The following IL19 variants were observed in gnomAD, a reference collection of about 807,000 sequenced individuals.
IL19 encodes the protein interleukin-19.
In IL19, 15 loss-of-function variants were observed where a neutral mutation model predicts 19.5. That is an observed-to-expected ratio of 0.77 (90% CI 0.52 to 1.19). The LOEUF is 1.19. IL19 is among the 50% of genes most tolerant of loss of function. The probability of loss-of-function intolerance (pLI) is 0.00; values close to 1 mark genes in which losing one functional copy is unlikely to be tolerated. For missense variants in IL19, 199 were observed against 213.1 expected, an observed-to-expected ratio of 0.93 and a Z score of 0.41; for synonymous variants, 78 against 78.3, an observed-to-expected ratio of 1.00 and a Z score of 0.02.
At chr1:206,828,778 C>A (rs1473525617) in intron 2 of IL19, 1 of 151,968 alleles carries the variant, frequency 6.6e-6, no homozygotes, top group Non-Finnish European at 1.5e-5. Context: ...GTTGTAATTT[C>A]TCTTTCTAAA....
intron 1 of IL19, chr1:206,772,442 T>C: frequency 6.2e-7 from 1 of 1,613,938 alleles, no homozygotes; most frequent in African/African-American, 1.3e-5. Context: ...GCATGCCTTC[T>C]TTTGCAAGTC....
chr1:206,842,840 T>C lies in IL19; in HGVS notation c.*218T>C, dbSNP rs1448993189. Reference sequence around the variant, plus strand: ...ATCTGCTGAAAGGGCCTGCAGGCCATCCTGGGAGTAAAGGGCTGCCTTCCC... The same window carrying C: ...ATCTGCTGAAAGGGCCTGCAGGCCACCCTGGGAGTAAAGGGCTGCCTTCCC... On this transcript the variant is annotated 3_prime_UTR_variant, in exon 7 of 7. Coordinates refer to ENST00000659997, the MANE Select transcript of IL19 (RefSeq NM_153758.5). 6.4e-6 allele frequency: 3 copies of C among 466,990 alleles called. No individual in the cohort carries two copies. Among genetic ancestry groups the C allele is most frequent in the Admixed American group, 7.3e-5 (2 of 27,252 alleles). 28.9% of individuals were successfully genotyped at this position (466,990 alleles called of 1,614,324 possible).
intron 2 of IL19, among the ~76,000 whole-genome samples, chr1:206,804,519 A>C (rs184503170): frequency 6.6e-6 from 1 of 152,334 alleles, no homozygotes; most frequent in Non-Finnish European, 1.5e-5. Context: ...AGGGTGTATA[A>C]AGTGTGCATT....
chr1:206,811,113 A>G (rs1327734088), intron 2 of IL19, among the ~76,000 whole-genome samples: 1 of 152,196 alleles, frequency 6.6e-6, no homozygotes, highest in Non-Finnish European at 1.5e-5. Context: ...AGACTAAGAT[A>G]AATACCATAA....
At chr1:206,780,379 G>A (rs1000809267) in intron 1 of IL19, among the ~76,000 whole-genome samples, 1 of 152,164 alleles carries the variant, frequency 6.6e-6, no homozygotes, top group Non-Finnish European at 1.5e-5. Context: ...CTGAGCATGT[G>A]CTTCCTAAAC....
intron 2 of IL19, among the ~76,000 whole-genome samples, chr1:206,802,170 C>T (rs1675729001): frequency 1.3e-5 from 2 of 152,184 alleles, no homozygotes; most frequent in East Asian, 3.9e-4. Context: ...AACAGAGGCC[C>T]AGGAAGGAAG....
chr1:206,834,442 G>T (rs1356149750), intron 2 of IL19: 1 of 985,506 alleles, frequency 1.0e-6, no homozygotes, highest in East Asian at 1.1e-4. Flanking sequence ...CCTATGCACC[G>T]CCATCCTAGC....
chr1:206,772,153 G>C (rs1674868539), intron 1 of IL19: 1 of 878,472 alleles, frequency 1.1e-6, no homozygotes, highest in Non-Finnish European at 1.9e-6. Flanking sequence ...TAAGTTTGGG[G>C]GAATAGGTGT....
rs998971154 is a variant in IL19, at chr1:206,771,222, T to G, written c.-149+144T>G. On this transcript the variant is annotated intron_variant, in intron 1 of 6. Coordinates refer to ENST00000659997, the MANE Select transcript of IL19 (RefSeq NM_153758.5). ...TTGTAAACCCTCTGGCTGCTGGATG[T>G]GCTGAGTTAACATCTTCCCACTTCT... 8.9e-5 allele frequency: 102 copies of G among 1,141,190 alleles called. No individual in the cohort carries two copies. In the African/African-American group the frequency reaches 1.3e-3, roughly 14 times the overall value. 70.7% of individuals were successfully genotyped at this position (1,141,190 alleles called of 1,614,324 possible). A position where few individuals can be genotyped will look rare whatever the true frequency, so the allele number is the denominator to read the frequency against.
intron 2 of IL19, among the ~76,000 whole-genome samples, chr1:206,829,754 T>A (rs529480867): frequency 6.6e-6 from 1 of 152,206 alleles, no homozygotes; most frequent in African/African-American, 2.4e-5. Flanking sequence ...TCCATTACTA[T>A]CCCTCCATCC....
chr1:206,814,393 G>C (rs1397149501), intron 2 of IL19, among the ~76,000 whole-genome samples: 1 of 150,762 alleles, frequency 6.6e-6, no homozygotes, highest in African/African-American at 2.4e-5. Flanking sequence ...ATAATGGAGG[G>C]AATCAGAATG....
At chr1:206,779,789 T>G (rs1238614360) in intron 1 of IL19, among the ~76,000 whole-genome samples, 1 of 152,054 alleles carries the variant, frequency 6.6e-6, no homozygotes, top group African/African-American at 2.4e-5. Context: ...TCTACTTCCC[T>G]CTGCACTCCA....
chr1:206,808,500 C>CGTGTGT (rs36044951), intron 2 of IL19, among the ~76,000 whole-genome samples: 4,110 of 148,640 alleles, frequency 0.028, 123 homozygotes, highest in African/African-American at 0.075. Context: ...TGTGTGTGTG[C>CGTGTGT]GTGTGTGTGT....
rs148916570 is a variant in IL19 at position 206,811,778 on chromosome 1, C to T, written c.-3+12772C>T. ...TGTTATGGTACAACTCCCTAAAAGT[C>T]CCAGCCAGCCCCCAGGGGCAGATTG... On this transcript the variant is annotated intron_variant, in intron 2 of 6. Transcript: ENST00000659997. Among the ~76,000 whole-genome samples, 314 of 152,210 alleles carry T rather than the reference C, an allele frequency of 2.1e-3. 1 individual carries two copies. Among genetic ancestry groups the T allele is most frequent in the African/African-American group, 7.3e-3 (305 of 41,528 alleles).
intron 1 of IL19, among the ~76,000 whole-genome samples, chr1:206,781,450 A>G (rs187676406): frequency 0.013 from 1,915 of 150,318 alleles, 26 homozygotes; most frequent in Middle Eastern, 0.021. Flanking sequence ...AAAAAAAAAG[A>G]AAAAAAAGAG....
rs572156795 is a variant in IL19, at chr1:206,774,223, G to A, written c.-149+3145G>A. Reference sequence around the variant, plus strand: ...ACCTATGGATCAGGGTCAGGGGACTGTGGTGTCTCTTCCCAACTCTTCAGG... The same window carrying A: ...ACCTATGGATCAGGGTCAGGGGACTATGGTGTCTCTTCCCAACTCTTCAGG... On this transcript the variant is annotated intron_variant, in intron 1 of 6. Coordinates refer to ENST00000659997, the MANE Select transcript of IL19 (RefSeq NM_153758.5). Among the ~76,000 whole-genome samples the A allele has an allele frequency of 8.5e-5, 13 of 152,328 alleles. No individual in the cohort carries two copies. In the East Asian group the frequency reaches 1.5e-3, roughly 18 times the overall value.
At chr1:206,808,427 G>C (rs774227999) in intron 2 of IL19, among the ~76,000 whole-genome samples, 3 of 152,158 alleles carry the variant, frequency 2.0e-5, no homozygotes, top group Non-Finnish European at 2.9e-5. Context: ...CGTGCATGTA[G>C]AGTGACTGTG....
intron 2 of IL19, among the ~76,000 whole-genome samples, chr1:206,834,638 G>T (rs1350060059): frequency 6.6e-6 from 1 of 152,202 alleles, no homozygotes; most frequent in East Asian, 1.9e-4. Context: ...GAAAGGTCAA[G>T]GATTTAATGT....
At chr1:206,790,841 C>T (rs750520854) in intron 1 of IL19, among the ~76,000 whole-genome samples, 1 of 152,178 alleles carries the variant, frequency 6.6e-6, no homozygotes, top group East Asian at 1.9e-4. Context: ...TAGCACATGC[C>T]TCAACCTAAG....
Sources: allele counts gnomAD v4.1 joint callset (sites outside exome capture counted in the v4.1 genomes callset), GRCh38; gene constraint gnomAD v4.1.1; transcripts MANE v1.5; gene names NCBI Gene and HGNC (gene_info 2026-07-23, HGNC 2026-07-21).